Variants in KCNIP1 observed in about 807,000 individuals in gnomAD.
The protein encoded by KCNIP1 is potassium voltage-gated channel interacting protein 1, also known as A-type potassium channel modulatory protein KCNIP1.
Under a neutral mutation model 33.0 loss-of-function variants are expected in KCNIP1, and 18 were observed. The observed-to-expected ratio is 0.55, with a 90% CI of 0.38 to 0.81. The LOEUF is 0.81. Ranked by LOEUF, KCNIP1 falls within the 30% of genes least tolerant of loss-of-function variation. The pLI is 0.00. For missense variants in KCNIP1, 238 were observed against 271.6 expected (o/e 0.88, Z 0.87); for synonymous variants, 93 against 98.3 (o/e 0.95, Z 0.32).
intron 1 of KCNIP1, among the ~76,000 whole-genome samples, chr5:170,517,323 A>C (rs747682294): frequency 1.1e-4 from 16 of 152,202 alleles, no homozygotes; most frequent in Non-Finnish European, 1.6e-4. Context: ...AACTGCCCCC[A>C]TGATCTGGTC....
intron 1 of KCNIP1, chr5:170,385,349 G>C: frequency 1.2e-6 from 2 of 1,614,142 alleles, no homozygotes; most frequent in Non-Finnish European, 1.7e-6. Flanking sequence ...TCGTGACCAG[G>C]ATGTAGTAGG....
intron 1 of KCNIP1, among the ~76,000 whole-genome samples, chr5:170,510,380 A>G (rs1331723578): frequency 6.6e-6 from 1 of 152,178 alleles, no homozygotes; most frequent in Non-Finnish European, 1.5e-5. Flanking sequence ...GTAAGGATGG[A>G]TGGGCCAGAG....
chr5:170,673,772 A>C (rs532855690), intron 1 of KCNIP1, among the ~76,000 whole-genome samples: 1 of 152,046 alleles, frequency 6.6e-6, no homozygotes, highest in African/African-American at 2.4e-5. Context: ...CGCTTTATTA[A>C]TGTCCCTGTC....
intron 1 of KCNIP1, among the ~76,000 whole-genome samples, chr5:170,653,059 G>A (rs1761114492): frequency 6.6e-6 from 1 of 152,212 alleles, no homozygotes; most frequent in Non-Finnish European, 1.5e-5. Flanking sequence ...GGGGGAAGGA[G>A]CGAGGGTCTA....
At chr5:170,385,493 G>A (rs781137995) in intron 1 of KCNIP1, 39 of 1,612,474 alleles carry the variant, frequency 2.4e-5, no homozygotes, top group Non-Finnish European at 3.0e-5. Context: ...GAAGCAAACA[G>A]AAGTGAGATC....
intron 1 of KCNIP1, among the ~76,000 whole-genome samples, chr5:170,447,978 T>C (rs77729022): frequency 0.08 from 12,080 of 151,904 alleles, 607 homozygotes; most frequent in Non-Finnish European, 0.12. Flanking sequence ...GCTTGAAGAC[T>C]CTTCCCCTGA....
At chr5:170,366,167 G>A (rs1034341130) in intron 1 of KCNIP1, among the ~76,000 whole-genome samples, 2 of 152,210 alleles carry the variant, frequency 1.3e-5, no homozygotes, top group East Asian at 3.8e-4. Flanking sequence ...TGTATTCATT[G>A]AGCAAGCTCT....
chr5:170,613,677 T>C lies in KCNIP1; in HGVS notation c.62-105081T>C, dbSNP rs114946883. On this transcript the variant is annotated intron_variant, in intron 1 of 7. Transcript: ENST00000328939. ...AAATGTACCTTTGTATTTTAAGTCA[T>C]TGAGATTTGGGGGTTGTTACTGTCA... Among the ~76,000 whole-genome samples, 464 of 152,152 alleles carry C rather than the reference T, an allele frequency of 3.0e-3. 2 individuals are homozygous for C. The highest frequency in any genetic ancestry group is 0.011 in the African/African-American group (445 of 41,512).
rs775363931 is a variant in KCNIP1, at chr5:170,453,271, T to G, written c.88+99307T>G. On this transcript the variant is annotated intron_variant, in intron 1 of 7. Transcript: ENST00000377360. ...GTCACTTAGTTTCTCAATTTAACTT[T>G]AAAGGAAAGTTGCCTTATTAGAGAA... is the stretch of plus-strand genomic sequence containing the variant. Among the ~76,000 whole-genome samples the G allele has an allele frequency of 3.4e-4, 52 of 152,258 alleles. 2 individuals are homozygous for G. The highest frequency in any genetic ancestry group is 1.5e-4 in the Non-Finnish European group (10 of 68,050).
intron 1 of KCNIP1, among the ~76,000 whole-genome samples, chr5:170,398,898 AG>A (rs1754826562): frequency 6.6e-6 from 1 of 152,212 alleles, no homozygotes; most frequent in Non-Finnish European, 1.5e-5. Context: ...GCTGGAAAAG[AG>A]GGTCCTGATC....
At chr5:170,362,470 A>G (rs978471269) in intron 1 of KCNIP1, among the ~76,000 whole-genome samples, 1 of 152,194 alleles carries the variant, frequency 6.6e-6, no homozygotes, top group African/African-American at 2.4e-5. Flanking sequence ...AATTGAGGAG[A>G]ATGCCCTCTG....
At chr5:170,546,139 C>T (rs1419924846) in intron 1 of KCNIP1, among the ~76,000 whole-genome samples, 4 of 152,318 alleles carry the variant, frequency 2.6e-5, no homozygotes, top group African/African-American at 7.2e-5. Context: ...TGGCTGGGAG[C>T]CTAGCTAGTC....
At chr5:170,478,034 A>G (rs1457512013) in intron 1 of KCNIP1, among the ~76,000 whole-genome samples, 1 of 152,152 alleles carries the variant, frequency 6.6e-6, no homozygotes, top group Non-Finnish European at 1.5e-5. Flanking sequence ...AGCCTCATTG[A>G]AGGATCTCAG....
At chr5:170,640,837 G>A (rs1377965007) in intron 1 of KCNIP1, among the ~76,000 whole-genome samples, 1 of 152,174 alleles carries the variant, frequency 6.6e-6, no homozygotes, top group Admixed American at 6.5e-5. Context: ...CTCACAGAAG[G>A]CAGGCTTGGC....
At position 170,371,183 on chromosome 5, in the gene KCNIP1, T is replaced by C. The variant is rs572204546; in HGVS notation, c.88+17219T>C. On this transcript the variant is annotated intron_variant, in intron 1 of 7. Transcript: ENST00000377360. ...AACCATGGTGTGCCTGGGTTCCAGT[T>C]GGGCGTGTGATGAGCTATGGGCTGG... is the stretch of plus-strand genomic sequence containing the variant. 1.6e-4 allele frequency among the ~76,000 whole-genome samples: 24 copies of C among 152,288 alleles called. No homozygotes were observed. In the East Asian group the frequency reaches 4.2e-3, roughly 27 times the overall value.
chr5:170,635,170 C>T (rs1372584090), intron 1 of KCNIP1, among the ~76,000 whole-genome samples: 2 of 152,326 alleles, frequency 1.3e-5, no homozygotes, highest in East Asian at 3.9e-4. Context: ...GCTGAAATTA[C>T]AGGCACCCAC....
At chr5:170,733,115 C>T (rs28643555) in intron 6 of KCNIP1, among the ~76,000 whole-genome samples, 21,585 of 152,188 alleles carry the variant, frequency 0.14, 2,040 homozygotes, top group African/African-American at 0.27. Flanking sequence ...TATTATTAAA[C>T]GCTAGTGGTA....
rs529213937 is a variant in KCNIP1 at position 170,610,966 on chromosome 5, G to A, written c.61+106333G>A. ...TGCCTTTAAACAGCTCTGCACTGTA[G>A]TTATTATTACCCATTTTCTGCATCA... is the stretch of plus-strand genomic sequence containing the variant. On this transcript the variant is annotated intron_variant, in intron 1 of 7. Coordinates refer to ENST00000328939, the MANE Select transcript of KCNIP1 (RefSeq NM_014592.4). 2.6e-5 allele frequency among the ~76,000 whole-genome samples: 4 copies of A among 152,298 alleles called. No individual in the cohort carries two copies. In the East Asian group the frequency reaches 5.8e-4, roughly 22 times the overall value.
At chr5:170,683,927 T>TGC (rs1762452834) in intron 1 of KCNIP1, among the ~76,000 whole-genome samples, 1 of 142,502 alleles carries the variant, frequency 7.0e-6, no homozygotes, top group South Asian at 2.3e-4. Context: ...TGTGTGTGTG[T>TGC]GTGTGTGTTA....
Sources: allele counts gnomAD v4.1 joint callset (sites outside exome capture counted in the v4.1 genomes callset), GRCh38; gene constraint gnomAD v4.1.1; transcripts MANE v1.5; gene names NCBI Gene and HGNC (gene_info 2026-07-23, HGNC 2026-07-21).